The following PLAAT3 variants were observed in gnomAD, a reference collection of about 807,000 sequenced individuals.
PLAAT3 encodes the protein phospholipase A and acyltransferase 3, also known as Ca-independent phospholipase A1/2.
PLAAT3 carries 21 observed loss-of-function variants against 16.7 expected under a neutral mutation model. The observed-to-expected ratio is 1.26, with a 90% CI of 0.89 to 1.81. The LOEUF (loss-of-function observed/expected upper bound fraction) is 1.81, where lower values mean the gene tolerates loss of function less well. PLAAT3 is among the 40% of genes most tolerant of loss of function. The pLI, the probability that PLAAT3 is intolerant of heterozygous loss-of-function variation, is 0.00. For missense variants in PLAAT3, 219 were observed against 213.7 expected (o/e 1.02, Z -0.16); for synonymous variants, 76 against 81.7 (o/e 0.93, Z 0.38).
chr11:63,582,918 G>C (rs936645023), intron 4 of PLAAT3, among the ~76,000 whole-genome samples: 1 of 152,140 alleles, frequency 6.6e-6, no homozygotes, highest in African/African-American at 2.4e-5. Context: ...GGATGATGAG[G>C]TCAGGAGTTC....
chr11:63,615,017 A>AAT (rs1338719563), upstream of PLAAT3, among the ~76,000 whole-genome samples: 15 of 17,518 alleles, frequency 8.6e-4, 3 homozygotes, highest in South Asian at 5.3e-3. Context: ...TCAGTCTCAA[A>AAT]ATATATATAT....
chr11:63,607,714 G>C lies in PLAAT3; in HGVS notation c.15+6286C>G, dbSNP rs986798544. 1.5e-4 allele frequency among the ~76,000 whole-genome samples: 23 copies of C among 151,930 alleles called. No individual in the cohort carries two copies. The East Asian group carries it at 4.5e-3, about 30-fold the overall frequency. Reference sequence around the variant, plus strand: ...CTGCAATCATAGAAGCTGGTGGGGAGGAAGTAGCCTTTATGGAGATGTACG... The same window carrying C: ...CTGCAATCATAGAAGCTGGTGGGGACGAAGTAGCCTTTATGGAGATGTACG... On this transcript the variant is annotated intron_variant, in intron 2 of 4. Coordinates refer to ENST00000415826, the MANE Select transcript of PLAAT3 (RefSeq NM_001128203.2).
intron 2 of PLAAT3, among the ~76,000 whole-genome samples, chr11:63,608,000 C>T (rs1565257106): frequency 6.6e-6 from 1 of 151,990 alleles, no homozygotes; most frequent in Non-Finnish European, 1.5e-5. Context: ...TCCTGGCTAA[C>T]ACAGTGAAAC....
At chr11:63,604,356 GA>G (rs1328256500) in intron 2 of PLAAT3, among the ~76,000 whole-genome samples, 9 of 151,970 alleles carry the variant, frequency 5.9e-5, no homozygotes, top group African/African-American at 2.2e-4. Context: ...TATTTAAAGG[GA>G]AAAAATACTC....
chr11:63,609,650 G>A (rs1366453435), intron 2 of PLAAT3, among the ~76,000 whole-genome samples: 1 of 152,246 alleles, frequency 6.6e-6, no homozygotes, highest in East Asian at 1.9e-4. Context: ...CGGGCAGAGA[G>A]AGAAGGAGGA....
chr11:63,599,886 T>C (rs1311572628), intron 2 of PLAAT3, among the ~76,000 whole-genome samples: 1 of 152,118 alleles, frequency 6.6e-6, no homozygotes, highest in Non-Finnish European at 1.5e-5. Context: ...AGTAAGACCA[T>C]GTTGAGTAAT....
Position 63,574,981 on chromosome 11 carries a change from T to C in PLAAT3, c.453A>G (p.Gly151=), listed in dbSNP as rs762152865. 8 of 1,612,810 alleles carry C rather than the reference T, an allele frequency of 5.0e-6. No homozygotes were observed. The highest frequency in any genetic ancestry group is 6.8e-6 in the Non-Finnish European group (8 of 1,178,734). The change falls in exon 5 of 5, where the codon GGA becomes GGG. Residue 151 remains glycine, a synonymous_variant. Transcript: ENST00000415826. ...GMGLAAMSLI[G]VMFSRNKRQK... Reference sequence around the variant, plus strand: ...GTCGCTTGTTTCTTGAGAACATGACTCCAATAAGGCTCATGGCTGCCAAGC... The same window carrying C: ...GTCGCTTGTTTCTTGAGAACATGACCCCAATAAGGCTCATGGCTGCCAAGC...
At chr11:63,578,137 G>T (rs1054361334) in intron 4 of PLAAT3, among the ~76,000 whole-genome samples, 4 of 151,930 alleles carry the variant, frequency 2.6e-5, no homozygotes, top group Non-Finnish European at 4.4e-5. Context: ...CAAAAAATTA[G>T]CCAGGCATGG....
In PLAAT3 at chr11:63,614,388, G is replaced by T. The variant is rs1475206249; in HGVS notation, c.-58C>A. On this transcript the variant is annotated 5_prime_UTR_variant, in exon 1 of 5. Transcript: ENST00000415826. ...CAGGAAGACCCGATCCACCCACCTC[G>T]CGGTCTCGGAGGCAGCGCTGCAGCC... The T allele has an allele frequency of 6.5e-5, 16 of 245,548 alleles. No homozygotes were observed. Among genetic ancestry groups the T allele is most frequent in the African/African-American group, 1.8e-4 (8 of 44,662 alleles). 15.2% of individuals were successfully genotyped at this position (245,548 alleles called of 1,614,324 possible). A position where few individuals can be genotyped will look rare whatever the true frequency, so the allele number is the denominator to read the frequency against.
chr11:63,578,222 G>T (rs528169156), intron 4 of PLAAT3, among the ~76,000 whole-genome samples: 2 of 152,020 alleles, frequency 1.3e-5, no homozygotes, highest in Non-Finnish European at 2.9e-5. Flanking sequence ...GGCAGAGGTT[G>T]CAGTGAGCTG....
chr11:63,590,350 C>G lies in PLAAT3; in HGVS notation c.137G>C (p.Gly46Ala). Residue 46 changes from glycine to alanine, a missense_variant, in exon 4 of 5, where the codon GGT becomes GCT. Gly to Ala is a moderately conservative substitution (Grantham distance 60). Coordinates refer to ENST00000415826, the MANE Select transcript of PLAAT3 (RefSeq NM_001128203.2). ...LAPPSEVAGA[G>A]AASVMSALTD... ...CAGGGCGGACATGACACTGGCTGCA[C>G]CAGCTCCTGCGACCTCACCTGCAGA... is the stretch of plus-strand genomic sequence containing the variant. 1 of 1,614,074 alleles carries G rather than the reference C, an allele frequency of 6.2e-7. No individual in the cohort carries two copies. The highest frequency in any genetic ancestry group is 1.1e-5 in the South Asian group (1 of 91,082).
At chr11:63,615,040 A>ATGTGTGTGTATATG (rs1218195475), upstream of PLAAT3, among the ~76,000 whole-genome samples, 47 of 9,658 alleles carry the variant, frequency 4.9e-3, 12 homozygotes, top group Non-Finnish European at 0.024. Context: ...GTGTATATAT[A>ATGTGTGTGTATATG]TGTATATATA....
intron 4 of PLAAT3, among the ~76,000 whole-genome samples, chr11:63,580,113 T>G (rs1937763220): frequency 6.6e-6 from 1 of 151,884 alleles, no homozygotes. Context: ...GTAGAAGACA[T>G]GAGATAGAGA....
intron 3 of PLAAT3, among the ~76,000 whole-genome samples, chr11:63,591,465 C>T (rs1212235853): frequency 6.6e-6 from 1 of 152,158 alleles, no homozygotes; most frequent in African/African-American, 2.4e-5. Context: ...GAGGTTCACT[C>T]TCACTCTCCT....
intron 3 of PLAAT3, among the ~76,000 whole-genome samples, chr11:63,594,804 G>A (rs926745476): frequency 2.0e-5 from 3 of 148,948 alleles, no homozygotes; most frequent in Non-Finnish European, 3.0e-5. Flanking sequence ...ATGTCAATAC[G>A]AATGATCCAG....
At chr11:63,587,966 C>T (rs1339037682) in intron 4 of PLAAT3, among the ~76,000 whole-genome samples, 4 of 152,124 alleles carry the variant, frequency 2.6e-5, no homozygotes, top group Non-Finnish European at 5.9e-5. Context: ...GTAATCCTAG[C>T]ACTTTGGGAG....
At chr11:63,601,992 A>AAC (rs1689833811) in intron 2 of PLAAT3, among the ~76,000 whole-genome samples, 1 of 149,976 alleles carries the variant, frequency 6.7e-6, no homozygotes, top group Non-Finnish European at 1.5e-5. Context: ...AAAAAAAAAA[A>AAC]AAAAACAAAA....
chr11:63,615,242 A>G (rs771033924), upstream of PLAAT3, among the ~76,000 whole-genome samples: 13 of 19,016 alleles, frequency 6.8e-4, 1 homozygote, highest in African/African-American at 1.3e-3. Context: ...ATATATGTGT[A>G]TATATGTGTG....
chr11:63,607,561 G>A (rs1938598378), intron 2 of PLAAT3, among the ~76,000 whole-genome samples: 1 of 151,864 alleles, frequency 6.6e-6, no homozygotes, highest in Non-Finnish European at 1.5e-5. Flanking sequence ...TGAACTGGAG[G>A]TGATGTCAAA....
Sources: allele counts gnomAD v4.1 joint callset (sites outside exome capture counted in the v4.1 genomes callset), GRCh38; gene constraint gnomAD v4.1.1; transcripts MANE v1.5; gene names NCBI Gene and HGNC (gene_info 2026-07-23, HGNC 2026-07-21).